CDH13: variants seen among roughly 807,000 people sequenced by gnomAD.
CDH13 encodes the protein cadherin-13.
In CDH13, 24 loss-of-function variants were observed where a neutral mutation model predicts 63.8. That is an observed-to-expected ratio of 0.38 (90% CI 0.27 to 0.53). CDH13 has a LOEUF of 0.53. Among genes scored for constraint, CDH13 ranks in the 20% least tolerant of loss-of-function variants. The pLI, the probability that CDH13 is intolerant of heterozygous loss-of-function variation, is 0.85. For synonymous variants in CDH13, 503 were observed against 355.3 expected, an observed-to-expected ratio of 1.42 and a Z score of -4.67; for missense variants, 1,049 against 903.1, an observed-to-expected ratio of 1.16 and a Z score of -2.07.
At chr16:83,143,321 GA>G (rs1188222151) in intron 4 of CDH13, among the ~76,000 whole-genome samples, 1 of 152,084 alleles carries the variant, frequency 6.6e-6, no homozygotes, top group African/African-American at 2.4e-5. Flanking sequence ...TTTGGTAGAA[GA>G]AAAAATATTT....
intron 6 of CDH13, among the ~76,000 whole-genome samples, chr16:83,382,655 G>C (rs140407067): frequency 6.6e-6 from 1 of 152,044 alleles, no homozygotes; most frequent in African/African-American, 2.4e-5. Flanking sequence ...TCCACACCCC[G>C]TTCAGGGTTT....
At chr16:82,950,826 G>A (rs868436911) in intron 2 of CDH13, among the ~76,000 whole-genome samples, 1 of 97,368 alleles carries the variant, frequency 1.0e-5, no homozygotes, top group African/African-American at 4.0e-5. Flanking sequence ...TTTTTTTTTT[G>A]GTGGTGGTTG....
intron 1 of CDH13, among the ~76,000 whole-genome samples, chr16:82,816,955 G>A (rs1173478769): frequency 6.6e-6 from 1 of 151,994 alleles, no homozygotes; most frequent in Non-Finnish European, 1.5e-5. Context: ...TGACCTAAAA[G>A]AGAGGGAAAA....
chr16:82,944,704 G>T (rs1471168237), intron 2 of CDH13, among the ~76,000 whole-genome samples: 2 of 152,084 alleles, frequency 1.3e-5, no homozygotes, highest in East Asian at 1.9e-4. Flanking sequence ...GCCCATTACT[G>T]CTCCCTTCTA....
intron 2 of CDH13, among the ~76,000 whole-genome samples, chr16:82,993,756 A>G (rs1286681372): frequency 6.6e-6 from 1 of 152,146 alleles, no homozygotes; most frequent in African/African-American, 2.4e-5. Context: ...AGGCCACTGA[A>G]ACAAACACCA....
At chr16:83,110,271 G>T (rs140126883) in intron 3 of CDH13, among the ~76,000 whole-genome samples, 3 of 152,158 alleles carry the variant, frequency 2.0e-5, no homozygotes, top group Non-Finnish European at 4.4e-5. Flanking sequence ...AAATACTCAA[G>T]AGTCACTTAC....
chr16:82,937,130 A>G (rs1318521023), intron 2 of CDH13, among the ~76,000 whole-genome samples: 1 of 152,152 alleles, frequency 6.6e-6, no homozygotes, highest in East Asian at 1.9e-4. Flanking sequence ...AACTAAACCC[A>G]CAAACGCCTG....
chr16:82,764,989 T>C (rs79055232), intron 1 of CDH13, among the ~76,000 whole-genome samples: 1 of 152,180 alleles, frequency 6.6e-6, no homozygotes, highest in African/African-American at 2.4e-5. Context: ...TAATTTCTTG[T>C]ATTTTTAGTA....
chr16:82,940,122 T>G (rs1307454658), intron 2 of CDH13, among the ~76,000 whole-genome samples: 1 of 152,074 alleles, frequency 6.6e-6, no homozygotes, highest in East Asian at 1.9e-4. Context: ...TCCCACCAGG[T>G]CCCTCCCACA....
At chr16:83,055,066 T>C (rs1446274424) in intron 3 of CDH13, among the ~76,000 whole-genome samples, 1 of 152,050 alleles carries the variant, frequency 6.6e-6, no homozygotes, top group South Asian at 2.1e-4. Context: ...TTAGAAACTA[T>C]GCAATATATG....
intron 2 of CDH13, among the ~76,000 whole-genome samples, chr16:83,000,323 G>C (rs1158646240): frequency 8.0e-6 from 1 of 125,090 alleles, no homozygotes; most frequent in African/African-American, 3.1e-5. Context: ...ATCTCGGCTC[G>C]CTGCAACCTC....
chr16:83,014,776 G>GTATATATATATATATATATATATGTA (rs1158483617), intron 2 of CDH13, among the ~76,000 whole-genome samples: 1 of 37,306 alleles, frequency 2.7e-5, no homozygotes, highest in Non-Finnish European at 5.4e-5. Flanking sequence ...ATATATATAT[G>GTATATATATATATATATATATATGTA]TATATATATA....
At chr16:82,880,175 C>T (rs558090102) in intron 2 of CDH13, among the ~76,000 whole-genome samples, 3 of 151,968 alleles carry the variant, frequency 2.0e-5, no homozygotes, top group South Asian at 4.2e-4. Flanking sequence ...CTCTTTGTAT[C>T]GCCCTATATA....
intron 11 of CDH13, among the ~76,000 whole-genome samples, chr16:83,765,559 C>A (rs1297400134): frequency 9.0e-6 from 1 of 110,544 alleles, no homozygotes; most frequent in Admixed American, 1.1e-4. Context: ...TATATACACA[C>A]ACACAAAGAG....
chr16:82,944,836 A>G (rs1196305463), intron 2 of CDH13, among the ~76,000 whole-genome samples: 1 of 152,204 alleles, frequency 6.6e-6, no homozygotes, highest in African/African-American at 2.4e-5. Context: ...TCTATTTACA[A>G]CTTCTCCATT....
chr16:83,305,883 A>T (rs985426328), intron 5 of CDH13, among the ~76,000 whole-genome samples: 1 of 152,226 alleles, frequency 6.6e-6, no homozygotes, highest in Non-Finnish European at 1.5e-5. Flanking sequence ...TCTGTGTCCT[A>T]ATCTACAACA....
intron 7 of CDH13, among the ~76,000 whole-genome samples, chr16:83,548,134 G>A (rs1598270407): frequency 6.6e-6 from 1 of 152,126 alleles, no homozygotes; most frequent in East Asian, 1.9e-4. Context: ...AGGTGTCCAG[G>A]TGGGAGAGAA....
intron 5 of CDH13, among the ~76,000 whole-genome samples, chr16:83,339,349 A>G (rs1050220555): frequency 3.3e-5 from 5 of 152,190 alleles, no homozygotes; most frequent in African/African-American, 1.2e-4. Context: ...CCTTGCCTCC[A>G]ATGATGTCAA....
chr16:82,961,160 G>A (rs997713603), intron 2 of CDH13, among the ~76,000 whole-genome samples: 1 of 152,160 alleles, frequency 6.6e-6, no homozygotes, highest in Non-Finnish European at 1.5e-5. Context: ...CTTCATCCCA[G>A]CTCACATTCC....
Sources: allele counts gnomAD v4.1 joint callset (sites outside exome capture counted in the v4.1 genomes callset), GRCh38; gene constraint gnomAD v4.1.1; transcripts MANE v1.5; gene names NCBI Gene and HGNC (gene_info 2026-07-23, HGNC 2026-07-21).